Variants in GCA observed in about 807,000 individuals in gnomAD.
GCA encodes grancalcin, EF-hand calcium-binding protein.
GCA carries 30 observed loss-of-function variants against 32.6 expected under a neutral mutation model. That is an observed-to-expected ratio of 0.92 (90% CI 0.69 to 1.25). GCA has a LOEUF of 1.25. Among genes scored for constraint, GCA ranks in the 50% most tolerant of loss-of-function variants. The pLI, the probability that GCA is intolerant of heterozygous loss-of-function variation, is 0.00. For missense variants in GCA, 291 were observed against 266.8 expected, an observed-to-expected ratio of 1.09 and a Z score of -0.63; for synonymous variants, 102 against 84.6, an observed-to-expected ratio of 1.21 and a Z score of -1.13.
chr2:162,368,773 C>A (rs1685834854), intron 4 of GCA, among the ~76,000 whole-genome samples: 1 of 151,980 alleles, frequency 6.6e-6, no homozygotes, highest in African/African-American at 2.4e-5. Context: ...AGAAACTATT[C>A]TGTCCCAAAT....
upstream of GCA, among the ~76,000 whole-genome samples, chr2:162,341,000 T>G (rs1684423829): frequency 6.6e-6 from 1 of 152,056 alleles, no homozygotes; most frequent in Non-Finnish European, 1.5e-5. Context: ...GCATTTATCA[T>G]CTTCTCACAT....
In GCA at chr2:162,360,435, C is replaced by T. The variant is rs1392855947; in HGVS notation, c.*192C>T. ...ATTTCTTTTTTAATTTGAGGTATTA[C>T]TGCTTTTGGAAAAGTTATTTTATAA... On this transcript the variant is annotated 3_prime_UTR_variant, in exon 8 of 8. Coordinates refer to ENST00000437150, the MANE Select transcript of GCA (RefSeq NM_012198.5). The T allele has an allele frequency of 8.6e-7, 1 of 1,161,366 alleles. No individual in the cohort carries two copies. The highest frequency in any genetic ancestry group is 1.1e-6 in the Non-Finnish European group (1 of 888,774). The allele number at this position is 1,161,366 out of a possible 1,614,324, so 71.9% of individuals were successfully genotyped here. A position where few individuals can be genotyped will look rare whatever the true frequency, so the allele number is the denominator to read the frequency against.
chr2:162,372,186 T>G (rs1009013209), downstream of GCA: 3 of 1,034,220 alleles, frequency 2.9e-6, no homozygotes, highest in African/African-American at 3.2e-5. Context: ...GCATTTTCTT[T>G]CCTCATTAAT....
downstream of GCA, chr2:162,371,893 A>G: frequency 6.2e-7 from 1 of 1,613,838 alleles, no homozygotes; most frequent in Non-Finnish European, 8.5e-7. Flanking sequence ...TACAGTGCTT[A>G]GGGATGAATC....
intron 1 of GCA, among the ~76,000 whole-genome samples, chr2:162,329,745 T>A (rs1684010823): frequency 6.6e-6 from 1 of 152,100 alleles, no homozygotes; most frequent in Admixed American, 6.5e-5. Flanking sequence ...TAAACTTGTG[T>A]CATGGGGGTT....
At position 162,362,879 on chromosome 2, in the gene GCA, T is replaced by C. The variant is rs1441590784; in HGVS notation, c.*2636T>C. 6.6e-6 allele frequency among the ~76,000 whole-genome samples: 1 copy of C among 151,476 alleles called. No homozygotes were observed. The highest frequency in any genetic ancestry group is 1.5e-5 in the Non-Finnish European group (1 of 67,534). On this transcript the variant is annotated 3_prime_UTR_variant, in exon 8 of 8. Transcript: ENST00000437150. Reference sequence around the variant, plus strand: ...TTTCAAGGATTTCTCATTTGACCTATTTACACATGCATCCAGAAAAAAGTA... The same window carrying C: ...TTTCAAGGATTTCTCATTTGACCTACTTACACATGCATCCAGAAAAAAGTA...
downstream of GCA, among the ~76,000 whole-genome samples, chr2:162,373,994 TTTAA>T (rs1182072986): frequency 6.6e-6 from 1 of 152,176 alleles, no homozygotes; most frequent in Non-Finnish European, 1.5e-5. Flanking sequence ...GTCTTTGCTT[TTTAA>T]TTAGGTTTTA....
At chr2:162,344,402 C>G (rs2241662) in intron 1 of GCA, 127 bp downstream of exon 1, 27,116 of 886,822 alleles carry the variant, frequency 0.031, 2,188 homozygotes, top group Admixed American at 0.26. Context: ...TCGGCGGCGC[C>G]GGATTCCGGG....
At chr2:162,348,515 T>G (rs929084217) in intron 2 of GCA, among the ~76,000 whole-genome samples, 1 of 152,202 alleles carries the variant, frequency 6.6e-6, no homozygotes, top group African/African-American at 2.4e-5. Context: ...CAGGATTTAT[T>G]AATTAAAAAT....
At position 162,362,788 on chromosome 2, in the gene GCA, A is replaced by G. The variant is rs1002621782; in HGVS notation, c.*2545A>G. On this transcript the variant is annotated 3_prime_UTR_variant, in exon 8 of 8. Coordinates refer to ENST00000437150, the MANE Select transcript of GCA (RefSeq NM_012198.5). Reference sequence around the variant, plus strand: ...TTCTATTCTGAGTGGCAGTTTACACATTTTAAATTACATCAAGGGTAAATC... The same window carrying G: ...TTCTATTCTGAGTGGCAGTTTACACGTTTTAAATTACATCAAGGGTAAATC... The G allele has an allele frequency of 6.5e-6, 1 of 154,294 alleles. No homozygotes were observed. Among genetic ancestry groups the G allele is most frequent in the Non-Finnish European group, 1.4e-5 (1 of 70,222 alleles). 9.6% of individuals were successfully genotyped at this position (154,294 alleles called of 1,614,324 possible). A position where few individuals can be genotyped will look rare whatever the true frequency, so the allele number is the denominator to read the frequency against.
At chr2:162,346,125 A>G (rs1056931247) in intron 1 of GCA, among the ~76,000 whole-genome samples, 2 of 152,120 alleles carry the variant, frequency 1.3e-5, no homozygotes, top group African/African-American at 4.8e-5. Flanking sequence ...TTTGTTTCTC[A>G]CTTTGGTCAC....
intron 1 of GCA, among the ~76,000 whole-genome samples, chr2:162,333,111 G>A (rs1684154002): frequency 1.3e-5 from 2 of 151,978 alleles, no homozygotes; most frequent in South Asian, 4.1e-4. Context: ...TTAATTCAGA[G>A]CCAGCAGCTG....
intron 7 of GCA, 98 bp downstream of exon 7, chr2:162,359,650 TA>T: frequency 1.8e-6 from 1 of 564,766 alleles, no homozygotes; most frequent in South Asian, 2.7e-5. Flanking sequence ...GGAAATAATA[TA>T]TTTGGTATGC....
chr2:162,321,928 A>G (rs1683687864), intron 1 of GCA, among the ~76,000 whole-genome samples: 1 of 101,586 alleles, frequency 9.8e-6, no homozygotes, highest in Non-Finnish European at 1.7e-5. Flanking sequence ...ATATATATAT[A>G]TATATACACA....
Sources: allele counts gnomAD v4.1 joint callset (sites outside exome capture counted in the v4.1 genomes callset), GRCh38; gene constraint gnomAD v4.1.1; transcripts MANE v1.5; gene names NCBI Gene and HGNC (gene_info 2026-07-23, HGNC 2026-07-21).